SNX29: variants seen among roughly 807,000 people sequenced by gnomAD.
SNX29 encodes the protein sorting nexin-29.
SNX29 carries 78 observed loss-of-function variants against 102.1 expected under a neutral mutation model. That is an observed-to-expected ratio of 0.76 (90% CI 0.64 to 0.92). SNX29 has a LOEUF of 0.92. SNX29 is among the 40% of genes least tolerant of loss of function. SNX29 has a pLI of 0.00. For synonymous variants in SNX29, 580 were observed against 414.5 expected (o/e 1.40, Z -4.85); for missense variants, 1,280 against 1,061.7 (o/e 1.21, Z -2.86).
intron 14 of SNX29, among the ~76,000 whole-genome samples, chr16:12,246,595 G>A (rs1262939202): frequency 6.6e-6 from 1 of 152,122 alleles, no homozygotes; most frequent in Non-Finnish European, 1.5e-5. Flanking sequence ...AGCCGAGATC[G>A]TGCCACTGGG....
intron 2 of SNX29, among the ~76,000 whole-genome samples, chr16:12,000,010 T>G (rs2056229093): frequency 6.6e-6 from 1 of 151,418 alleles, no homozygotes; most frequent in African/African-American, 2.4e-5. Flanking sequence ...TGGTTTGGAG[T>G]TAGGACCCTC....
intron 15 of SNX29, among the ~76,000 whole-genome samples, chr16:12,353,199 A>G (rs1014459654): frequency 6.6e-6 from 1 of 152,170 alleles, no homozygotes; most frequent in African/African-American, 2.4e-5. Flanking sequence ...GAAGATGGCT[A>G]GCAACTCTGT....
intron 16 of SNX29, among the ~76,000 whole-genome samples, chr16:12,377,865 C>T (rs1274386325): frequency 6.6e-6 from 1 of 152,086 alleles, no homozygotes; most frequent in Non-Finnish European, 1.5e-5. Flanking sequence ...CTTAAATAGT[C>T]CACAATCTCT....
Position 12,282,116 on chromosome 16 carries a change from C to G in SNX29, c.1782+4080C>G, listed in dbSNP as rs1385288980. On this transcript the variant is annotated intron_variant, in intron 15 of 20. Coordinates refer to ENST00000566228, the MANE Select transcript of SNX29 (RefSeq NM_032167.5). Reference sequence around the variant, plus strand: ...AAAAAAAAAAAAAAAAAATGCAGAGCTGGATTTGAATCCTCACAGTTGAGC... The same window carrying G: ...AAAAAAAAAAAAAAAAAATGCAGAGGTGGATTTGAATCCTCACAGTTGAGC... Among the ~76,000 whole-genome samples, 4 of 145,524 alleles carry G rather than the reference C, an allele frequency of 2.7e-5. No homozygotes were observed. In the South Asian group the frequency reaches 8.7e-4, roughly 32 times the overall value.
At chr16:11,992,845 G>A (rs1189732882) in intron 1 of SNX29, among the ~76,000 whole-genome samples, 2 of 152,170 alleles carry the variant, frequency 1.3e-5, no homozygotes, top group Admixed American at 6.6e-5. Flanking sequence ...GCTGCATGGA[G>A]AGACAGCGAA....
chr16:12,439,198 G>A (rs2085682118), intron 18 of SNX29, among the ~76,000 whole-genome samples: 1 of 152,208 alleles, frequency 6.6e-6, no homozygotes, highest in South Asian at 2.1e-4. Context: ...ATGGGAAGCA[G>A]CCTCTGTAGG....
chr16:12,506,478 TAGA>T (rs928730435), intron 19 of SNX29, among the ~76,000 whole-genome samples: 4 of 152,144 alleles, frequency 2.6e-5, no homozygotes, highest in South Asian at 2.1e-4. Flanking sequence ...AGGCAAGAGT[TAGA>T]AGAAGAAAAG....
chr16:11,990,653 G>A (rs1039386060), intron 1 of SNX29, among the ~76,000 whole-genome samples: 8 of 152,148 alleles, frequency 5.3e-5, no homozygotes, highest in Admixed American at 2.0e-4. Context: ...ATGCCCGCCA[G>A]TGTAACTGAG....
At chr16:12,254,761 G>A (rs900381121) in intron 14 of SNX29, among the ~76,000 whole-genome samples, 2 of 152,204 alleles carry the variant, frequency 1.3e-5, no homozygotes, top group Non-Finnish European at 2.9e-5. Flanking sequence ...TGTGGCTGCC[G>A]ATGGGGCAAA....
Position 11,976,790 on chromosome 16 carries a change from G to A in SNX29, c.-17G>A, listed in dbSNP as rs908710673. 9 of 1,373,356 alleles carry A rather than the reference G, an allele frequency of 6.6e-6. No individual in the cohort carries two copies. The Admixed American group carries it at 1.8e-4, about 27-fold the overall frequency. The allele number at this position is 1,373,356 out of a possible 1,614,324, so 85.1% of individuals were successfully genotyped here. Reference sequence around the variant, plus strand: ...CGGCGGCGGCGCGGCGCAGGCACCGGCCCGGGGAGAGGCACCATGAGCGGT... The same window carrying A: ...CGGCGGCGGCGCGGCGCAGGCACCGACCCGGGGAGAGGCACCATGAGCGGT... On this transcript the variant is annotated 5_prime_UTR_variant, in exon 1 of 21. Coordinates refer to ENST00000566228, the MANE Select transcript of SNX29 (RefSeq NM_032167.5).
chr16:12,302,805 T>A (rs1271413871), intron 15 of SNX29, among the ~76,000 whole-genome samples: 1 of 152,224 alleles, frequency 6.6e-6, no homozygotes, highest in Non-Finnish European at 1.5e-5. Flanking sequence ...GGCCACACTG[T>A]TAGGGTGAAT....
Position 12,166,154 on chromosome 16 carries a change from C to T in SNX29, c.1596-33447C>T, listed in dbSNP as rs549183837. On this transcript the variant is annotated intron_variant, in intron 13 of 20. Transcript: ENST00000566228. ...TTAAAAATGTGATTTGGTGGTTTGCCAAAGTGGATACATTAATTCATTGAT... is the reference window on the plus strand; with the variant it reads ...TTAAAAATGTGATTTGGTGGTTTGCTAAAGTGGATACATTAATTCATTGAT... Among the ~76,000 whole-genome samples, 5 of 152,244 alleles carry T rather than the reference C, an allele frequency of 3.3e-5. No individual in the cohort carries two copies. The East Asian group carries it at 7.7e-4, about 23-fold the overall frequency.
intron 18 of SNX29, among the ~76,000 whole-genome samples, chr16:12,422,687 G>A (rs1444453245): frequency 1.3e-5 from 2 of 152,130 alleles, no homozygotes; most frequent in Admixed American, 1.3e-4. Context: ...ACCATCCTCA[G>A]GGACTTCCTG....
At chr16:12,547,712 T>C (rs528124469) in intron 20 of SNX29, among the ~76,000 whole-genome samples, 3 of 152,252 alleles carry the variant, frequency 2.0e-5, no homozygotes, top group South Asian at 2.1e-4. Flanking sequence ...GGGATCTGCA[T>C]AGCATGGCAC....
chr16:12,453,794 A>G (rs780752176), intron 18 of SNX29, among the ~76,000 whole-genome samples: 3 of 152,024 alleles, frequency 2.0e-5, no homozygotes, highest in Non-Finnish European at 4.4e-5. Flanking sequence ...TTTCAGCTGT[A>G]TTTGTTTGAG....
intron 20 of SNX29, among the ~76,000 whole-genome samples, chr16:12,544,840 GGAA>G (rs2077514232): frequency 6.6e-6 from 1 of 152,210 alleles, no homozygotes; most frequent in Non-Finnish European, 1.5e-5. Flanking sequence ...AACTCCTTGG[GGAA>G]ATGCCCACAT....
Position 12,098,932 on chromosome 16 carries a change from C to T in SNX29, c.1402+20017C>T, listed in dbSNP as rs1020789948. On this transcript the variant is annotated intron_variant, in intron 11 of 20. Coordinates refer to ENST00000566228, the MANE Select transcript of SNX29 (RefSeq NM_032167.5). This position sits in a 1 kb window ranked among gnomAD's most constrained non-coding sequence, Gnocchi z 6.0. ...GAGGAAGAGCGCCTCCTGTCTGGCC[C>T]AAGTGGGCCAGGTCACTCCCTGCAT... Among the ~76,000 whole-genome samples, 7 of 151,950 alleles carry T rather than the reference C, an allele frequency of 4.6e-5. No individual in the cohort carries two copies. Among genetic ancestry groups the T allele is most frequent in the Non-Finnish European group, 1.0e-4 (7 of 67,970 alleles).
At chr16:12,237,787 A>T (rs1414619740) in intron 14 of SNX29, among the ~76,000 whole-genome samples, 1 of 152,232 alleles carries the variant, frequency 6.6e-6, no homozygotes, top group African/African-American at 2.4e-5. Context: ...AGGTGCCTGT[A>T]ATCCCAGCTA....
intron 8 of SNX29, among the ~76,000 whole-genome samples, chr16:12,055,055 C>T (rs150111634): frequency 1.3e-5 from 2 of 152,014 alleles, no homozygotes; most frequent in African/African-American, 4.8e-5. Flanking sequence ...GTCTTGTGAC[C>T]TGCTGTGTTA....
Sources: allele counts gnomAD v4.1 joint callset (sites outside exome capture counted in the v4.1 genomes callset), GRCh38; gene constraint gnomAD v4.1.1; non-coding constraint Gnocchi (gnomAD v3.1); transcripts MANE v1.5; gene names NCBI Gene and HGNC (gene_info 2026-07-23, HGNC 2026-07-21).